LDLRAD3: variants seen among roughly 807,000 people sequenced by gnomAD.
LDLRAD3 encodes low density lipoprotein receptor class A domain containing 3.
LDLRAD3 carries 20 observed loss-of-function variants against 29.4 expected under a neutral mutation model. The observed-to-expected ratio is 0.68, with a 90% confidence interval of 0.48 to 0.99. The LOEUF (loss-of-function observed/expected upper bound fraction) is 0.99, where lower values mean the gene tolerates loss of function less well. Among genes scored for constraint, LDLRAD3 ranks in the 50% least tolerant of loss-of-function variants. The probability of loss-of-function intolerance (pLI) is 0.00; values close to 1 mark genes in which losing one functional copy is unlikely to be tolerated. For synonymous variants in LDLRAD3, 157 were observed against 192.7 expected, an observed-to-expected ratio of 0.81 and a Z score of 1.53; for missense variants, 420 against 454.3, an observed-to-expected ratio of 0.92 and a Z score of 0.69.
intron 4 of LDLRAD3, among the ~76,000 whole-genome samples, chr11:36,184,805 C>T (rs1342057421): frequency 2.0e-5 from 3 of 152,170 alleles, no homozygotes; most frequent in Non-Finnish European, 4.4e-5. Context: ...GGCTCATCCT[C>T]ACCTTAAAAA....
chr11:36,172,805 T>G (rs527335579), intron 4 of LDLRAD3, among the ~76,000 whole-genome samples: 7 of 152,270 alleles, frequency 4.6e-5, no homozygotes, highest in Middle Eastern at 3.4e-3. Context: ...GGTTATGTCC[T>G]TTCCTGGTTT....
chr11:36,065,735 A>G (rs1327398038), intron 2 of LDLRAD3, among the ~76,000 whole-genome samples: 1 of 152,220 alleles, frequency 6.6e-6, no homozygotes, highest in Non-Finnish European at 1.5e-5. Flanking sequence ...GGAAGTCTTC[A>G]GTTCCCGTGG....
At chr11:36,104,186 A>C (rs1853492649) in intron 4 of LDLRAD3, among the ~76,000 whole-genome samples, 1 of 152,178 alleles carries the variant, frequency 6.6e-6, no homozygotes, top group African/African-American at 2.4e-5. Context: ...CCCATATGGC[A>C]AGGGACGGAA....
At chr11:36,068,309 G>T (rs747423421) in intron 2 of LDLRAD3, among the ~76,000 whole-genome samples, 1 of 152,192 alleles carries the variant, frequency 6.6e-6, no homozygotes, top group African/African-American at 2.4e-5. Context: ...TGTTAGGGAA[G>T]GGAGGGCATT....
intron 4 of LDLRAD3, among the ~76,000 whole-genome samples, chr11:36,130,543 G>A (rs1419487307): frequency 1.3e-5 from 2 of 152,180 alleles, no homozygotes; most frequent in South Asian, 2.1e-4. Context: ...CAGGGCTGGG[G>A]CAAGCTGCCG....
intron 3 of LDLRAD3, among the ~76,000 whole-genome samples, chr11:36,093,216 T>C (rs1186421708): frequency 6.6e-6 from 1 of 152,222 alleles, no homozygotes; most frequent in Non-Finnish European, 1.5e-5. Context: ...TCAAACATAC[T>C]GAAAAGGAAA....
intron 4 of LDLRAD3, among the ~76,000 whole-genome samples, chr11:36,177,360 T>C (rs1471128383): frequency 1.3e-5 from 2 of 152,232 alleles, no homozygotes; most frequent in East Asian, 3.8e-4. Flanking sequence ...GCTGGTGAGC[T>C]AGTGTGATCT....
intron 4 of LDLRAD3, among the ~76,000 whole-genome samples, chr11:36,123,096 A>C (rs1853783783): frequency 6.6e-6 from 1 of 152,140 alleles, no homozygotes; most frequent in African/African-American, 2.4e-5. Flanking sequence ...TTGAGGTGGG[A>C]GGATCACTTG....
intron 1 of LDLRAD3, chr11:35,967,840 C>A: frequency 2.4e-6 from 1 of 421,466 alleles, no homozygotes. Context: ...AGTATCCATT[C>A]TGAATGATCA....
intron 1 of LDLRAD3, among the ~76,000 whole-genome samples, chr11:35,969,821 G>A (rs768158575): frequency 2.0e-5 from 3 of 152,194 alleles, no homozygotes; most frequent in African/African-American, 2.4e-5. Context: ...TGGGGCCCAC[G>A]TGCATGCGTG....
intron 4 of LDLRAD3, among the ~76,000 whole-genome samples, chr11:36,118,076 T>C (rs1009881500): frequency 5.9e-5 from 9 of 151,996 alleles, no homozygotes; most frequent in Admixed American, 4.6e-4. Context: ...AGTGTTGGCG[T>C]AGGGGTGGAG....
At chr11:36,223,558 G>A (rs576574076) in intron 4 of LDLRAD3, among the ~76,000 whole-genome samples, 3 of 152,046 alleles carry the variant, frequency 2.0e-5, no homozygotes, top group South Asian at 2.1e-4. Flanking sequence ...GGGAGACTCC[G>A]TCTTTACAAA....
At chr11:36,091,466 G>T (rs534565782) in intron 3 of LDLRAD3, among the ~76,000 whole-genome samples, 1 of 152,136 alleles carries the variant, frequency 6.6e-6, no homozygotes, top group African/African-American at 2.4e-5. Context: ...CCACTAAGCG[G>T]TTCCCTTCAC....
At chr11:36,146,005 AAAAAAG>A (rs1854187725) in intron 4 of LDLRAD3, among the ~76,000 whole-genome samples, 1 of 149,276 alleles carries the variant, frequency 6.7e-6, no homozygotes, top group Non-Finnish European at 1.5e-5. Context: ...TGATCAATAA[AAAAAAG>A]AAAAAAAAAA....
intron 1 of LDLRAD3, among the ~76,000 whole-genome samples, chr11:35,973,052 C>CAA (rs775477148): frequency 3.9e-4 from 19 of 48,806 alleles, no homozygotes; most frequent in African/African-American, 9.8e-4. Flanking sequence ...GACTCCATCT[C>CAA]AAAAAAAAAA....
intron 1 of LDLRAD3, among the ~76,000 whole-genome samples, chr11:35,977,428 A>C (rs1244011758): frequency 6.6e-6 from 1 of 152,214 alleles, no homozygotes; most frequent in Non-Finnish European, 1.5e-5. Context: ...AAAGGAAAAC[A>C]TATAATGGGG....
At chr11:36,054,073 T>C (rs558891845) in intron 2 of LDLRAD3, among the ~76,000 whole-genome samples, 3 of 152,344 alleles carry the variant, frequency 2.0e-5, no homozygotes, top group South Asian at 2.1e-4. Context: ...ACAATGCATA[T>C]GTGAAACACA....
chr11:36,068,578 G>T (rs112763629), intron 2 of LDLRAD3, among the ~76,000 whole-genome samples: 1 of 152,088 alleles, frequency 6.6e-6, no homozygotes, highest in Non-Finnish European at 1.5e-5. Context: ...GTGCAGTGGC[G>T]CAATCTCAGC....
intron 4 of LDLRAD3, among the ~76,000 whole-genome samples, chr11:36,223,533 A>C (rs987298666): frequency 3.3e-5 from 5 of 152,094 alleles, no homozygotes; most frequent in Non-Finnish European, 5.9e-5. Context: ...GTTCAAGACC[A>C]GCCTGGGCAA....
Sources: gnomAD v4.1 joint callset for allele counts (sites outside exome capture counted in the v4.1 genomes callset) on GRCh38, gnomAD v4.1.1 for gene constraint, MANE v1.5 for transcripts, NCBI Gene and HGNC (gene_info 2026-07-23, HGNC 2026-07-21) for gene names.